The following SDHAF3 variants were observed in gnomAD, a reference collection of about 807,000 sequenced individuals.
SDHAF3 encodes succinate dehydrogenase assembly factor 3, mitochondrial.
Under a neutral mutation model 11.5 loss-of-function variants are expected in SDHAF3, and 18 were observed. That is an observed-to-expected ratio of 1.56 (90% confidence interval 1.08 to 2.32). SDHAF3 has a LOEUF of 2.32. Among genes scored for constraint, SDHAF3 ranks in the 30% most tolerant of loss-of-function variants. The probability of loss-of-function intolerance (pLI) is 0.00; values close to 1 mark genes in which losing one functional copy is unlikely to be tolerated. For missense variants in SDHAF3, 200 were observed against 154.4 expected (o/e 1.30, Z -1.57); for synonymous variants, 72 against 59.3 (o/e 1.21, Z -0.99).
intron 1 of SDHAF3, among the ~76,000 whole-genome samples, chr7:97,174,595 A>C (rs1251171080): frequency 6.6e-6 from 1 of 151,804 alleles, no homozygotes; most frequent in Non-Finnish European, 1.5e-5. Context: ...TTTCCTTGTC[A>C]TTGATGGCCT....
At chr7:97,153,432 A>C (rs1466849278) in intron 1 of SDHAF3, among the ~76,000 whole-genome samples, 1 of 152,152 alleles carries the variant, frequency 6.6e-6, no homozygotes, top group African/African-American at 2.4e-5. Context: ...GGTGTACTGC[A>C]GTTTGTTCAT....
intron 1 of SDHAF3, among the ~76,000 whole-genome samples, chr7:97,139,913 C>A (rs1218576891): frequency 6.6e-6 from 1 of 152,200 alleles, no homozygotes; most frequent in Non-Finnish European, 1.5e-5. Flanking sequence ...GTAGTTATTT[C>A]ATGAATAATC....
At chr7:97,167,805 A>C (rs957388011) in intron 1 of SDHAF3, among the ~76,000 whole-genome samples, 1 of 152,190 alleles carries the variant, frequency 6.6e-6, no homozygotes, top group Non-Finnish European at 1.5e-5. Flanking sequence ...ATCCAAGTGC[A>C]GGGGCTGCAA....
chr7:97,175,316 T>C (rs993139954), intron 1 of SDHAF3, among the ~76,000 whole-genome samples: 1 of 152,216 alleles, frequency 6.6e-6, no homozygotes, highest in African/African-American at 2.4e-5. Flanking sequence ...TGAAGGTTTG[T>C]TGCATAGGTA....
In SDHAF3 at chr7:97,142,821, A is replaced by G. The variant is rs1789073188; in HGVS notation, c.174+24924A>G. On this transcript the variant is annotated intron_variant, in intron 1 of 1. Coordinates refer to ENST00000432641, the MANE Select transcript of SDHAF3 (RefSeq NM_020186.3). ...TGTCTGCATGCAGTTTCCTTAAGGTACAAATGAACACCACTATCTTCTCTC... is the reference window on the plus strand; with the variant it reads ...TGTCTGCATGCAGTTTCCTTAAGGTGCAAATGAACACCACTATCTTCTCTC... The G allele has an allele frequency of 2.0e-5, 3 of 151,948 alleles. No individual in the cohort carries two copies. In the South Asian group the frequency reaches 6.2e-4, roughly 32 times the overall value. The allele number at this position is 151,948 out of a possible 1,614,324, so 9.4% of individuals were successfully genotyped here.
chr7:97,122,420 G>C (rs1197938598), intron 1 of SDHAF3, among the ~76,000 whole-genome samples: 1 of 152,012 alleles, frequency 6.6e-6, no homozygotes, highest in Admixed American at 6.6e-5. Flanking sequence ...ACTGTTAGTA[G>C]ATGGATGTAG....
At chr7:97,135,385 A>G (rs1204716487) in intron 1 of SDHAF3, 1 of 152,024 alleles carries the variant, frequency 6.6e-6, no homozygotes, top group African/African-American at 2.4e-5. Flanking sequence ...CCAGATCATC[A>G]AATTTAGATT....
intron 1 of SDHAF3, among the ~76,000 whole-genome samples, chr7:97,119,611 C>T (rs1423521300): frequency 6.6e-6 from 1 of 152,112 alleles, no homozygotes; most frequent in Non-Finnish European, 1.5e-5. Context: ...ATGCTGTTAA[C>T]TACAGACTTT....
At position 97,139,341 on chromosome 7, in the gene SDHAF3, C is replaced by T. The variant is rs752338098; in HGVS notation, c.174+21444C>T. The stretch of plus-strand genomic sequence containing the variant: ...CCCGGAGATGGGCAGTTCCAAAATA[C>T]GGCTGAGTCTGGGGCTTTTATGGGC... On this transcript the variant is annotated intron_variant, in intron 1 of 1. Transcript: ENST00000432641. Among the ~76,000 whole-genome samples, 11 of 152,148 alleles carry T rather than the reference C, an allele frequency of 7.2e-5. 1 individual carries two copies. The highest frequency in any genetic ancestry group is 1.6e-4 in the Non-Finnish European group (11 of 68,018).
chr7:97,172,422 A>G (rs553236308), intron 1 of SDHAF3, among the ~76,000 whole-genome samples: 1 of 152,142 alleles, frequency 6.6e-6, no homozygotes, highest in Non-Finnish European at 1.5e-5. Flanking sequence ...ACTCTCCAAA[A>G]TCCATTGTTT....
In SDHAF3 at chr7:97,163,951, CT is replaced by C. The variant is rs57540189; in HGVS notation, c.175-17046del. ...TATATGAAATTTTGGGTTGAAAATT[CT>C]TTTTTTTTTTTTTTGAGACACAGTC... On this transcript the variant is annotated intron_variant, in intron 1 of 1. Transcript: ENST00000432641. Among the ~76,000 whole-genome samples, 819 of 137,354 alleles carry C rather than the reference CT, an allele frequency of 6.0e-3. 1 individual carries two copies. Among genetic ancestry groups the C allele is most frequent in the African/African-American group, 5.6e-3 (210 of 37,792 alleles). The allele number at this position is 137,354 out of a possible 152,430, so 90.1% of individuals were successfully genotyped here. A position where few individuals can be genotyped will look rare whatever the true frequency, so the allele number is the denominator to read the frequency against.
chr7:97,118,265 C>G (rs892052477), intron 1 of SDHAF3, among the ~76,000 whole-genome samples: 1 of 152,114 alleles, frequency 6.6e-6, no homozygotes, highest in East Asian at 1.9e-4. Context: ...ATTAATGGTT[C>G]TCTTATTAGT....
rs571784250 is a variant in SDHAF3 at position 97,121,340 on chromosome 7, A to G, written c.174+3443A>G. Among the ~76,000 whole-genome samples, 100 of 152,342 alleles carry G rather than the reference A, an allele frequency of 6.6e-4. 1 individual carries two copies. Among genetic ancestry groups the G allele is most frequent in the Non-Finnish European group, 4.4e-5 (3 of 68,040 alleles). On this transcript the variant is annotated intron_variant, in intron 1 of 1. Coordinates refer to ENST00000432641, the MANE Select transcript of SDHAF3 (RefSeq NM_020186.3). The stretch of plus-strand genomic sequence containing the variant: ...AAACATGTTGGTGAGAGAATATGAG[A>G]CAAAGAGCACAGAAGAGTGTGCTCT...
At position 97,129,779 on chromosome 7, in the gene SDHAF3, C is replaced by T. The variant is rs1295723346; in HGVS notation, c.174+11882C>T. Among the ~76,000 whole-genome samples the T allele has an allele frequency of 5.9e-5, 9 of 152,296 alleles. 1 individual carries two copies. Among genetic ancestry groups the T allele is most frequent in the Admixed American group, 2.0e-4 (3 of 15,300 alleles). ...TCTGCCCACCCAGGCTGGCAGGCTGCGCTCAGCTTATGCTACCAGCCTGGA... is the reference window on the plus strand; with the variant it reads ...TCTGCCCACCCAGGCTGGCAGGCTGTGCTCAGCTTATGCTACCAGCCTGGA... On this transcript the variant is annotated intron_variant, in intron 1 of 1. Coordinates refer to ENST00000432641, the MANE Select transcript of SDHAF3 (RefSeq NM_020186.3).
intron 1 of SDHAF3, among the ~76,000 whole-genome samples, chr7:97,165,357 CTTT>C (rs10653828): frequency 1.3e-5 from 1 of 77,020 alleles, no homozygotes; most frequent in East Asian, 4.3e-4. Context: ...ATTTTCCTAC[CTTT>C]TTTTTTTTTT....
intron 1 of SDHAF3, among the ~76,000 whole-genome samples, chr7:97,167,044 A>AT (rs71131005): frequency 0.66 from 97,085 of 147,648 alleles, 32,362 homozygotes; most frequent in Middle Eastern, 0.74. Flanking sequence ...ACTTTCAGTG[A>AT]TTTTTTTTTT....
intron 1 of SDHAF3, among the ~76,000 whole-genome samples, chr7:97,163,855 C>CA (rs542933347): frequency 3.6e-4 from 55 of 152,054 alleles, no homozygotes; most frequent in Non-Finnish European, 1.2e-4. Flanking sequence ...CTGGTGGTGA[C>CA]AAAATCTCTC....
At chr7:97,149,482 C>T (rs1789185070) in intron 1 of SDHAF3, among the ~76,000 whole-genome samples, 1 of 152,040 alleles carries the variant, frequency 6.6e-6, no homozygotes, top group South Asian at 2.1e-4. Context: ...GCAAACTGCA[C>T]ATGTATACCT....
At chr7:97,180,910 C>G in intron 1 of SDHAF3, 102 bp from the exon 2 acceptor site, 1 of 966,390 alleles carries the variant, frequency 1.0e-6, no homozygotes, top group Non-Finnish European at 1.5e-6. Context: ...TCTGCATTTA[C>G]TGATGAGGAA....
Sources: allele counts gnomAD v4.1 joint callset (sites outside exome capture counted in the v4.1 genomes callset), GRCh38; gene constraint gnomAD v4.1.1; transcripts MANE v1.5; gene names NCBI Gene and HGNC (gene_info 2026-07-23, HGNC 2026-07-21).